SF3B1: variants seen among roughly 807,000 people sequenced by gnomAD.
SF3B1 encodes the protein pre-mRNA processing 10.
In SF3B1, 12 loss-of-function variants were observed where a neutral mutation model predicts 153.8. The ratio of observed to expected loss-of-function variants is 0.08; its 90% confidence interval spans 0.05 to 0.13. SF3B1 has a LOEUF of 0.13. Among genes scored for constraint, SF3B1 ranks in the 10% least tolerant of loss-of-function variants. The pLI is 1.00. For synonymous variants in SF3B1, 498 were observed against 525.2 expected (o/e 0.95, Z 0.71); for missense variants, 513 against 1,606.1 (o/e 0.32, Z 11.63).
intron 1 of SF3B1, among the ~76,000 whole-genome samples, chr2:197,428,657 G>A (rs1459552470): frequency 2.0e-5 from 3 of 152,240 alleles, no homozygotes; most frequent in African/African-American, 7.2e-5. Context: ...ACTTTGGGAA[G>A]TCAAGACAGT....
At chr2:197,424,503 A>G (rs1363344686) in intron 1 of SF3B1, among the ~76,000 whole-genome samples, 1 of 151,994 alleles carries the variant, frequency 6.6e-6, no homozygotes, top group Non-Finnish European at 1.5e-5. Flanking sequence ...CAAAAAAAAA[A>G]AAAAAAACCG....
chr2:197,397,566 T>G (rs368010475), intron 22 of SF3B1, among the ~76,000 whole-genome samples: 14 of 152,246 alleles, frequency 9.2e-5, no homozygotes, highest in African/African-American at 3.4e-4. Context: ...GAGGCCAAGA[T>G]AGGTGGCTCA....
chr2:197,404,488 A>T (rs2084967871), intron 11 of SF3B1, among the ~76,000 whole-genome samples: 1 of 152,250 alleles, frequency 6.6e-6, no homozygotes, highest in African/African-American at 2.4e-5. Context: ...GCTGAGGCAC[A>T]ATTGCTTGAA....
At chr2:197,423,259 C>T (rs529497274) in intron 2 of SF3B1, among the ~76,000 whole-genome samples, 4 of 151,548 alleles carry the variant, frequency 2.6e-5, no homozygotes, top group Non-Finnish European at 4.4e-5. Context: ...TGGTAGCAGG[C>T]GCCTGTAATC....
At chr2:197,399,939 C>T in intron 20 of SF3B1, 116 bp downstream of exon 20, 2 of 692,382 alleles carry the variant, frequency 2.9e-6, no homozygotes, top group Non-Finnish European at 4.9e-6. Context: ...TCTTGAAGTG[C>T]TTTTAAAAAG....
intron 9 of SF3B1, among the ~76,000 whole-genome samples, chr2:197,406,138 G>T (rs1314900224): frequency 6.7e-6 from 1 of 148,662 alleles, no homozygotes; most frequent in East Asian, 2.0e-4. Context: ...ACAACTTCTG[G>T]ACAGGCCAGG....
At chr2:197,393,455 C>CTTT (rs762933389) in intron 23 of SF3B1, 93 of 311,222 alleles carry the variant, frequency 3.0e-4, no homozygotes, top group Non-Finnish European at 4.3e-4. Flanking sequence ...TTCTAATTAA[C>CTTT]TTTTTTTTTT....
rs138399941 is a variant in SF3B1 at position 197,414,333 on chromosome 2, T to G, written c.666+2408A>C. Among the ~76,000 whole-genome samples the G allele has an allele frequency of 2.3e-3, 345 of 152,136 alleles. 1 individual carries two copies. The highest frequency in any genetic ancestry group is 8.1e-3 in the African/African-American group (337 of 41,490). On this transcript the variant is annotated intron_variant, in intron 6 of 24. Coordinates refer to ENST00000335508, the MANE Select transcript of SF3B1 (RefSeq NM_012433.4). ...GCAGCTATCTTATACAAACGGTACA[T>G]AAAGACAAGAATGAGATCCTAGGGA...
intron 2 of SF3B1, among the ~76,000 whole-genome samples, chr2:197,421,769 G>C (rs2085246075): frequency 6.6e-6 from 1 of 152,074 alleles, no homozygotes; most frequent in Admixed American, 6.6e-5. Context: ...ATTGAGCCCA[G>C]GAGTTCAAGA....
chr2:197,397,588 G>A (rs761002424), intron 22 of SF3B1, among the ~76,000 whole-genome samples: 2 of 152,140 alleles, frequency 1.3e-5, no homozygotes, highest in Non-Finnish European at 2.9e-5. Flanking sequence ...TTGAGGCCAG[G>A]AGTTCGAGAA....
chr2:197,400,143 A>T lies in SF3B1; in HGVS notation c.2925T>A (p.Gly975=), dbSNP rs763765365. ...CACCCAAATACTCATACAATACAAC[A>T]CCCAAGTGTCCCATCAATTTTTCCT... ...CQEEKLMGHL[G]VVLYEYLGEE... is the part of the protein sequence containing the mutation. Residue 975 remains glycine, a synonymous_variant, in exon 20 of 25, where the codon GGT becomes GGA. Coordinates refer to ENST00000335508, the MANE Select transcript of SF3B1 (RefSeq NM_012433.4). The surrounding 1 kb of genome is among the most constrained non-coding windows in gnomAD (Gnocchi z 5.0). 1 of 1,613,482 alleles carries T rather than the reference A, an allele frequency of 6.2e-7. No individual in the cohort carries two copies. The highest frequency in any genetic ancestry group is 1.7e-5 in the Admixed American group (1 of 59,968).
intron 7 of SF3B1, among the ~76,000 whole-genome samples, chr2:197,408,859 G>A (rs887760235): frequency 1.3e-5 from 2 of 152,118 alleles, no homozygotes; most frequent in Non-Finnish European, 2.9e-5. Flanking sequence ...GGAGGCAGAG[G>A]TTGCAGTCAG....
intron 23 of SF3B1, 48 bp downstream of exon 23, chr2:197,396,008 G>A (rs1430827135): frequency 6.8e-7 from 1 of 1,473,990 alleles, no homozygotes; most frequent in Non-Finnish European, 9.3e-7. Context: ...GTTCTAAAAT[G>A]AAGGAAGAGT....
chr2:197,404,959 G>T, intron 11 of SF3B1, 117 bp downstream of exon 11: 1 of 651,724 alleles, frequency 1.5e-6, no homozygotes, highest in Non-Finnish European at 2.6e-6. Flanking sequence ...AAAGCAGGAG[G>T]ATCACTTGAG....
At chr2:197,398,953 G>GA (rs1559264601) in intron 20 of SF3B1, 1 of 887,666 alleles carries the variant, frequency 1.1e-6, no homozygotes, top group South Asian at 1.4e-5. Context: ...AAAATTTCCA[G>GA]AAAGGGCCCC....
At chr2:197,403,087 A>G in intron 12 of SF3B1, 52 bp from the exon 13 acceptor site, 1 of 1,274,334 alleles carries the variant, frequency 7.8e-7, no homozygotes, top group South Asian at 1.2e-5. Flanking sequence ...TTACTGATGA[A>G]ATGCTCATGT....
intron 1 of SF3B1, among the ~76,000 whole-genome samples, chr2:197,431,940 T>C (rs370854893): frequency 5.3e-5 from 8 of 151,960 alleles, no homozygotes; most frequent in African/African-American, 1.2e-4. Flanking sequence ...CTGGGTAACA[T>C]AGCGAGACCC....
At position 197,408,425 on chromosome 2, in the gene SF3B1, G is replaced by T; in HGVS notation, c.1061C>A (p.Thr354Asn). Residue 354 changes from threonine (T) to asparagine (N), a missense_variant, in exon 8 of 25, where the codon ACC becomes AAC. Thr to Asn is a moderately conservative substitution (Grantham distance 65). Coordinates refer to ENST00000335508, the MANE Select transcript of SF3B1 (RefSeq NM_012433.4). ...TGTGCCAATTGGTGTCTTTCCAGGG[G>T]TCAGAACTGGAGTGCTTCCACCCAT... Reference protein sequence around the residue: ...SQMGGSTPVLTPGKTPIGTPA... With the variant: ...SQMGGSTPVLNPGKTPIGTPA... 1 of 1,614,110 alleles carries T rather than the reference G, an allele frequency of 6.2e-7. No individual in the cohort carries two copies.
At chr2:197,426,768 C>T (rs917307123) in intron 1 of SF3B1, among the ~76,000 whole-genome samples, 3 of 152,126 alleles carry the variant, frequency 2.0e-5, no homozygotes, top group Admixed American at 1.3e-4. Flanking sequence ...ACTATTTTAC[C>T]TGGCCCTTCA....
Sources: gnomAD v4.1 joint callset for allele counts (sites outside exome capture counted in the v4.1 genomes callset) on GRCh38, gnomAD v4.1.1 for gene constraint, Gnocchi (gnomAD v3.1) non-coding constraint, MANE v1.5 for transcripts, NCBI Gene and HGNC (gene_info 2026-07-23, HGNC 2026-07-21) for gene names.